CSMD1: variants seen among roughly 807,000 people sequenced by gnomAD.
The protein encoded by CSMD1 is CUB and sushi domain-containing protein 1.
Under a neutral mutation model 417.5 loss-of-function variants are expected in CSMD1, and 213 were observed. That is an observed-to-expected ratio of 0.51 (90% CI 0.46 to 0.57). The LOEUF (loss-of-function observed/expected upper bound fraction) is 0.57. CSMD1 is among the 20% of genes least tolerant of loss of function. The probability of loss-of-function intolerance (pLI) is 0.00; values close to 1 mark genes in which losing one functional copy is unlikely to be tolerated. For missense variants in CSMD1, 6,923 were observed against 4,529.7 expected (o/e 1.53, Z -15.17); for synonymous variants, 2,862 against 1,736.8 (o/e 1.65, Z -16.11).
intron 1 of CSMD1, among the ~76,000 whole-genome samples, chr8:4,798,591 CTG>C (rs1368902613): frequency 6.6e-6 from 1 of 152,130 alleles, no homozygotes; most frequent in East Asian, 1.9e-4. Context: ...AGTTACCACA[CTG>C]TGTGTTGGAA....
intron 5 of CSMD1, among the ~76,000 whole-genome samples, chr8:3,944,756 T>A (rs191263661): frequency 2.0e-4 from 30 of 152,186 alleles, no homozygotes; most frequent in East Asian, 1.5e-3. Flanking sequence ...AAAACTATAC[T>A]CTCAACTCTT....
At chr8:4,300,651 A>G (rs1797933532) in intron 3 of CSMD1, among the ~76,000 whole-genome samples, 2 of 152,208 alleles carry the variant, frequency 1.3e-5, no homozygotes, top group South Asian at 2.1e-4. Flanking sequence ...GTCATTTAGC[A>G]TTAGGTATAT....
intron 10 of CSMD1, among the ~76,000 whole-genome samples, chr8:3,536,866 G>C (rs1798222457): frequency 6.6e-6 from 1 of 152,198 alleles, no homozygotes; most frequent in Non-Finnish European, 1.5e-5. Flanking sequence ...GCTCAGATAA[G>C]AATCCCAGGT....
At chr8:3,620,664 T>TA (rs971058510) in intron 7 of CSMD1, among the ~76,000 whole-genome samples, 1 of 151,774 alleles carries the variant, frequency 6.6e-6, no homozygotes, top group Admixed American at 6.6e-5. Flanking sequence ...ATAGAATATG[T>TA]AAAAAAGAAA....
At chr8:4,141,241 A>C in intron 3 of CSMD1, among the ~76,000 whole-genome samples, 1 of 151,200 alleles carries the variant, frequency 6.6e-6, no homozygotes, top group Non-Finnish European at 1.5e-5. Flanking sequence ...CAAGATACTG[A>C]AGAATAAGCT....
At chr8:3,881,790 A>C (rs1806224378) in intron 5 of CSMD1, among the ~76,000 whole-genome samples, 1 of 152,138 alleles carries the variant, frequency 6.6e-6, no homozygotes, top group Non-Finnish European at 1.5e-5. Context: ...GATGCAAGGA[A>C]AGACAGCTAA....
chr8:3,611,630 T>G (rs1801899136), intron 8 of CSMD1, among the ~76,000 whole-genome samples: 1 of 152,104 alleles, frequency 6.6e-6, no homozygotes, highest in Non-Finnish European at 1.5e-5. Context: ...AATTAGAAAA[T>G]TTTCAAAAGC....
intron 3 of CSMD1, among the ~76,000 whole-genome samples, chr8:4,141,275 T>C (rs34159115): frequency 0.3 from 45,285 of 150,794 alleles, 8,453 homozygotes; most frequent in Non-Finnish European, 0.39. Context: ...CCAGCGACCT[T>C]CAGGTAGTGA....
chr8:4,458,634 A>G (rs369249239), intron 2 of CSMD1, among the ~76,000 whole-genome samples: 3 of 152,212 alleles, frequency 2.0e-5, no homozygotes, highest in Non-Finnish European at 2.9e-5. Context: ...AGCAAAATCA[A>G]TGAGAATGTA....
At chr8:4,479,449 G>C (rs1416569256) in intron 2 of CSMD1, among the ~76,000 whole-genome samples, 1 of 152,082 alleles carries the variant, frequency 6.6e-6, no homozygotes, top group Non-Finnish European at 1.5e-5. Context: ...AATATATTTG[G>C]TGCAACTTAC....
chr8:3,497,479 T>G (rs1262541897), intron 10 of CSMD1, among the ~76,000 whole-genome samples: 1 of 152,198 alleles, frequency 6.6e-6, no homozygotes, highest in Non-Finnish European at 1.5e-5. Context: ...CAATCTCAGC[T>G]CACTGCAACC....
intron 2 of CSMD1, among the ~76,000 whole-genome samples, chr8:4,438,713 G>A (rs182084144): frequency 5.9e-4 from 90 of 152,312 alleles, no homozygotes; most frequent in Non-Finnish European, 1.1e-3. Context: ...ACTCAGTTGA[G>A]ATTACCTGCA....
intron 5 of CSMD1, among the ~76,000 whole-genome samples, chr8:3,860,004 G>C (rs1234156069): frequency 6.6e-6 from 1 of 152,108 alleles, no homozygotes; most frequent in African/African-American, 2.4e-5. Context: ...ACCCAAACTT[G>C]GAGTTTGTTT....
chr8:3,021,450 G>A (rs13281447), intron 51 of CSMD1, among the ~76,000 whole-genome samples: 18 of 152,314 alleles, frequency 1.2e-4, no homozygotes, highest in South Asian at 2.1e-4. Context: ...GTCATACACC[G>A]AAGGGAAAGC....
intron 2 of CSMD1, among the ~76,000 whole-genome samples, chr8:4,636,166 T>C (rs1371438742): frequency 1.3e-5 from 2 of 152,110 alleles, no homozygotes; most frequent in East Asian, 1.9e-4. Flanking sequence ...TGTATTACTG[T>C]TGGCATTAAC....
At chr8:4,868,832 C>T (rs1802567305) in intron 1 of CSMD1, among the ~76,000 whole-genome samples, 2 of 151,456 alleles carry the variant, frequency 1.3e-5, no homozygotes, top group Non-Finnish European at 2.9e-5. Context: ...AGCTCCTCTA[C>T]AAAATAGAAA....
intron 1 of CSMD1, among the ~76,000 whole-genome samples, chr8:4,902,434 G>GA (rs11459550): frequency 0.45 from 63,203 of 139,758 alleles, 15,317 homozygotes; most frequent in Admixed American, 0.59. Flanking sequence ...CTAAAGAGGA[G>GA]AAAAAAAAAA....
chr8:4,433,351 A>G (rs986289681), intron 2 of CSMD1, among the ~76,000 whole-genome samples: 1 of 152,160 alleles, frequency 6.6e-6, no homozygotes, highest in Admixed American at 6.5e-5. Flanking sequence ...GACTGCTATT[A>G]TATACAACTC....
chr8:3,785,869 G>T (rs561698559), intron 5 of CSMD1, among the ~76,000 whole-genome samples: 1 of 152,184 alleles, frequency 6.6e-6, no homozygotes. Context: ...ATTAAAGAGG[G>T]ATATGTCATG....
Sources: allele counts gnomAD v4.1 joint callset (sites outside exome capture counted in the v4.1 genomes callset), GRCh38; gene constraint gnomAD v4.1.1; transcripts MANE v1.5; gene names NCBI Gene and HGNC (gene_info 2026-07-23, HGNC 2026-07-21).